GCNT2: variants seen among roughly 807,000 people sequenced by gnomAD.
GCNT2 encodes glucosaminyl (N-acetyl) transferase 2 (I blood group).
A neutral mutation model predicts 34.2 loss-of-function variants in GCNT2; 34 were observed. The ratio of observed to expected loss-of-function variants is 1.00; its 90% CI spans 0.76 to 1.32. GCNT2 has a LOEUF of 1.32. Among genes scored for constraint, GCNT2 ranks in the 40% most tolerant of loss-of-function variants. The pLI is 0.00. For synonymous variants in GCNT2, 212 were observed against 188.0 expected (o/e 1.13, Z -1.04); for missense variants, 584 against 489.4 (o/e 1.19, Z -1.82).
chr6:10,566,045 C>G (rs927894913), intron 3 of GCNT2, among the ~76,000 whole-genome samples: 21 of 152,174 alleles, frequency 1.4e-4, no homozygotes, highest in African/African-American at 5.1e-4. Flanking sequence ...AGTGACTTCT[C>G]TAGCTGCGCC....
chr6:10,589,371 T>G (rs1222661437), intron 3 of GCNT2, among the ~76,000 whole-genome samples: 2 of 135,922 alleles, frequency 1.5e-5, no homozygotes, highest in South Asian at 2.2e-4. Flanking sequence ...TAGTGTGTGT[T>G]TGTAGTGTGG....
intron 3 of GCNT2, chr6:10,557,396 T>G: frequency 7.1e-7 from 1 of 1,418,272 alleles, no homozygotes; most frequent in South Asian, 1.1e-5. Flanking sequence ...TTGAAAGGGC[T>G]TTAGAATAAC....
intron 3 of GCNT2, among the ~76,000 whole-genome samples, chr6:10,594,280 T>C (rs1764759479): frequency 6.6e-6 from 1 of 152,208 alleles, no homozygotes; most frequent in Non-Finnish European, 1.5e-5. Context: ...GGCACATGTA[T>C]AGATTTGCAG....
Position 10,557,556 on chromosome 6 carries a change from T to C in GCNT2, c.925+27720T>C, listed in dbSNP as rs1762781880. Among the ~76,000 whole-genome samples the C allele has an allele frequency of 2.0e-5, 3 of 151,880 alleles. No individual in the cohort carries two copies. The South Asian group carries it at 6.2e-4, about 32-fold the overall frequency. On this transcript the variant is annotated intron_variant, in intron 3 of 4. Coordinates refer to ENST00000495262, the MANE Select transcript of GCNT2 (RefSeq NM_145649.5). ...AGGCTGGAGTGCAGGGGCAACATCA[T>C]GGCTCACTGAACCCTGGACCTCCTG...
intron 3 of GCNT2, chr6:10,585,813 A>T (rs923747871): frequency 6.9e-7 from 1 of 1,449,444 alleles, no homozygotes; most frequent in East Asian, 2.5e-5. Context: ...TCCAAAAAGG[A>T]TGGACGAGAC....
chr6:10,599,276 C>T (rs933586400), intron 3 of GCNT2, among the ~76,000 whole-genome samples: 4 of 152,172 alleles, frequency 2.6e-5, no homozygotes, highest in East Asian at 1.9e-4. Context: ...CGTACTGCAA[C>T]GCTAGGAAAC....
intron 3 of GCNT2, among the ~76,000 whole-genome samples, chr6:10,593,688 A>G (rs548640221): frequency 2.2e-4 from 33 of 152,336 alleles, no homozygotes; most frequent in African/African-American, 7.7e-4. Context: ...TCTAAAAACA[A>G]TAAAATATTA....
intron 3 of GCNT2, among the ~76,000 whole-genome samples, chr6:10,591,275 G>A (rs1221206943): frequency 6.6e-6 from 1 of 152,322 alleles, no homozygotes; most frequent in East Asian, 1.9e-4. Flanking sequence ...TGGAAGGGTC[G>A]GGAGGGGCAG....
At chr6:10,612,233 C>T (rs1765590399) in intron 3 of GCNT2, among the ~76,000 whole-genome samples, 1 of 152,116 alleles carries the variant, frequency 6.6e-6, no homozygotes, top group Non-Finnish European at 1.5e-5. Context: ...GTAATCCACT[C>T]CTCTCAGCCT....
At chr6:10,604,890 G>C (rs909503479) in intron 3 of GCNT2, among the ~76,000 whole-genome samples, 1 of 141,790 alleles carries the variant, frequency 7.1e-6, no homozygotes, top group African/African-American at 2.5e-5. Flanking sequence ...AAAGAAAAAT[G>C]TATTATCTTT....
intron 3 of GCNT2, among the ~76,000 whole-genome samples, chr6:10,545,568 C>G (rs34435732): frequency 2.0e-5 from 3 of 152,064 alleles, no homozygotes; most frequent in Admixed American, 2.0e-4. Flanking sequence ...TTCCTATGAT[C>G]GTTGCAATCC....
intron 3 of GCNT2, among the ~76,000 whole-genome samples, chr6:10,601,463 G>T (rs76344834): frequency 0.09 from 13,689 of 152,082 alleles, 1,130 homozygotes; most frequent in African/African-American, 0.23. Flanking sequence ...TCATACAAGA[G>T]CATCATGGTG....
At chr6:10,596,318 T>G (rs1415311602) in intron 3 of GCNT2, among the ~76,000 whole-genome samples, 3 of 152,022 alleles carry the variant, frequency 2.0e-5, no homozygotes, top group African/African-American at 7.2e-5. Flanking sequence ...GGTCAGGCAT[T>G]CAAGACCAGC....
intron 3 of GCNT2, among the ~76,000 whole-genome samples, chr6:10,548,003 G>A (rs985203941): frequency 1.3e-5 from 2 of 152,204 alleles, no homozygotes; most frequent in African/African-American, 4.8e-5. Context: ...TGGCACAGGA[G>A]ATGTTCCAAG....
intron 3 of GCNT2, chr6:10,557,256 A>G (rs1410569973): frequency 5.0e-6 from 8 of 1,608,430 alleles, no homozygotes; most frequent in Non-Finnish European, 6.8e-6. Flanking sequence ...GTTCTGCATG[A>G]CCCACGGGCT....
chr6:10,585,036 TG>T (rs1764281272), intron 3 of GCNT2, among the ~76,000 whole-genome samples: 3 of 74,934 alleles, frequency 4.0e-5, no homozygotes, highest in Non-Finnish European at 7.3e-5. Flanking sequence ...ATAGTCAGTG[TG>T]TGTGTGTGTG....
chr6:10,539,252 C>T (rs976217365), intron 3 of GCNT2, among the ~76,000 whole-genome samples: 4 of 129,598 alleles, frequency 3.1e-5, no homozygotes, highest in Admixed American at 9.2e-5. Context: ...TGCAGTGGTG[C>T]GATCTCGGCC....
intron 3 of GCNT2, among the ~76,000 whole-genome samples, chr6:10,579,995 A>G (rs912094504): frequency 6.6e-6 from 1 of 151,966 alleles, no homozygotes; most frequent in Non-Finnish European, 1.5e-5. Flanking sequence ...TCCCTGTTCT[A>G]ATTTGTGACT....
chr6:10,544,945 C>CAAATAAATAAATAAATAAAT (rs57813293), intron 3 of GCNT2, among the ~76,000 whole-genome samples: 114 of 149,068 alleles, frequency 7.6e-4, no homozygotes, highest in African/African-American at 2.3e-3. Flanking sequence ...AACTCTGTCT[C>CAAATAAATAAATAAATAAAT]AAATAAATAA....
Sources: gnomAD v4.1 joint callset for allele counts (sites outside exome capture counted in the v4.1 genomes callset) on GRCh38, gnomAD v4.1.1 for gene constraint, MANE v1.5 for transcripts, NCBI Gene and HGNC (gene_info 2026-07-23, HGNC 2026-07-21) for gene names.